CHL1: variants seen among roughly 807,000 people sequenced by gnomAD.
The protein encoded by CHL1 is cell adhesion molecule L1 like.
Under a neutral mutation model 141.9 loss-of-function variants are expected in CHL1, and 96 were observed. That is an observed-to-expected ratio of 0.68 (90% CI 0.57 to 0.80). The LOEUF (loss-of-function observed/expected upper bound fraction) is 0.80, where lower values mean the gene tolerates loss of function less well. Ranked by LOEUF, CHL1 falls within the 30% of genes least tolerant of loss-of-function variation. CHL1 has a pLI of 0.00. For synonymous variants in CHL1, 613 were observed against 502.2 expected, an observed-to-expected ratio of 1.22 and a Z score of -2.95; for missense variants, 1,820 against 1,457.2, an observed-to-expected ratio of 1.25 and a Z score of -4.05.
intron 2 of CHL1, among the ~76,000 whole-genome samples, chr3:308,039 T>C (rs915368689): frequency 4.6e-5 from 7 of 152,244 alleles, no homozygotes; most frequent in African/African-American, 1.7e-4. Context: ...TTTAAAGTTC[T>C]ATTAGCCTTT....
chr3:313,262 A>C (rs1163804984), intron 2 of CHL1, among the ~76,000 whole-genome samples: 4 of 152,156 alleles, frequency 2.6e-5, no homozygotes, highest in African/African-American at 9.7e-5. Flanking sequence ...ATTTGACCTA[A>C]AACTGTTTGT....
At chr3:336,052 G>A (rs1459514863) in intron 5 of CHL1, among the ~76,000 whole-genome samples, 3 of 152,232 alleles carry the variant, frequency 2.0e-5, no homozygotes, top group Admixed American at 6.5e-5. Context: ...TATGAATGAC[G>A]ACACTGAAAC....
chr3:358,335 A>G (rs565183006), intron 11 of CHL1, among the ~76,000 whole-genome samples: 11 of 152,196 alleles, frequency 7.2e-5, no homozygotes, highest in Non-Finnish European at 7.4e-5. Flanking sequence ...CCCTCTGACC[A>G]TAGCCAAGGA....
chr3:399,144 C>T lies in CHL1; in HGVS notation c.3381C>T (p.Tyr1127=). The T allele has an allele frequency of 6.2e-7, 1 of 1,609,038 alleles. No individual in the cohort carries two copies. The highest frequency in any genetic ancestry group is 1.1e-5 in the South Asian group (1 of 90,774). ...TGAAGAGGAATAGAGGTGGAAAGTA[C>T]TCAGGTAAAATTGTTTCTTAATGTG... is the stretch of plus-strand genomic sequence containing the variant. The part of the protein sequence containing the change: ...CFVKRNRGGK[Y]SVKEKEDLHP... The change falls in exon 26 of 28, where the codon TAC becomes TAT. Residue 1127 remains tyrosine (Y), a synonymous_variant. Coordinates refer to ENST00000256509, the MANE Select transcript of CHL1 (RefSeq NM_006614.4).
chr3:242,694 A>C (rs1237382532), intron 1 of CHL1, among the ~76,000 whole-genome samples: 1 of 44,898 alleles, frequency 2.2e-5, no homozygotes, highest in African/African-American at 4.1e-5. Flanking sequence ...ACACACACAC[A>C]CACAGAGAGA....
At chr3:378,040 G>A (rs1405860712) in intron 16 of CHL1, 98 bp downstream of exon 16, 2 of 1,054,626 alleles carry the variant, frequency 1.9e-6, no homozygotes, top group Non-Finnish European at 2.6e-6. Context: ...TTGAGCCCCT[G>A]CACATATATT....
intron 16 of CHL1, 117 bp from the exon 17 acceptor site, chr3:382,062 C>T: frequency 1.4e-6 from 1 of 725,732 alleles, no homozygotes; most frequent in South Asian, 1.8e-5. Flanking sequence ...GGGGTGCTTC[C>T]CAGGTCCCTA....
chr3:206,518 C>T (rs1175000801), intron 1 of CHL1, among the ~76,000 whole-genome samples: 3 of 151,812 alleles, frequency 2.0e-5, no homozygotes, highest in Non-Finnish European at 4.4e-5. Flanking sequence ...TCACTTGAGG[C>T]CAGGAGTTCA....
intron 1 of CHL1, among the ~76,000 whole-genome samples, chr3:235,141 T>C (rs921348702): frequency 6.6e-6 from 1 of 152,064 alleles, no homozygotes; most frequent in Non-Finnish European, 1.5e-5. Context: ...CTCCCAATGC[T>C]ATCCCTCCCC....
chr3:271,329 C>T (rs1695616487), intron 2 of CHL1, among the ~76,000 whole-genome samples: 1 of 152,192 alleles, frequency 6.6e-6, no homozygotes, highest in Admixed American at 6.5e-5. Context: ...GTTCCAGGTA[C>T]TCAGGAGGCT....
intron 1 of CHL1, among the ~76,000 whole-genome samples, chr3:214,193 A>G (rs1049757279): frequency 6.6e-6 from 1 of 152,192 alleles, no homozygotes; most frequent in Non-Finnish European, 1.5e-5. Context: ...CCCAGCAGAA[A>G]AACAGAGCTC....
chr3:247,923 T>C (rs1218918222), intron 2 of CHL1: 1 of 152,036 alleles, frequency 6.6e-6, no homozygotes, highest in Admixed American at 6.6e-5. Context: ...TCCCATGATA[T>C]GAGGATATGA....
intron 11 of CHL1, among the ~76,000 whole-genome samples, chr3:355,031 G>C (rs1279689776): frequency 6.6e-6 from 1 of 152,016 alleles, no homozygotes; most frequent in Admixed American, 6.6e-5. Context: ...TTTTTAAAAA[G>C]AAAATTGAAT....
chr3:360,261 T>C (rs760048765), intron 11 of CHL1, 23 bp from the exon 12 acceptor site: 5 of 1,612,484 alleles, frequency 3.1e-6, no homozygotes, highest in South Asian at 1.1e-5. Context: ...CTTATCAAAC[T>C]GACATTCTTT....
At chr3:244,870 GT>G (rs1168853078) in intron 2 of CHL1, among the ~76,000 whole-genome samples, 178 bp downstream of exon 2, 1 of 151,852 alleles carries the variant, frequency 6.6e-6, no homozygotes, top group African/African-American at 2.4e-5. Context: ...GGTTTTTTTT[GT>G]TTTTTGAGTT....
chr3:294,743 C>T (rs1009442870), intron 2 of CHL1, among the ~76,000 whole-genome samples: 4 of 152,112 alleles, frequency 2.6e-5, no homozygotes, highest in African/African-American at 9.7e-5. Flanking sequence ...AAGTTTGATT[C>T]ATCACATCCC....
rs1484676273 is a variant in CHL1, at chr3:363,416, T to C, written c.1585+33T>C. The C allele has an allele frequency of 5.1e-6, 8 of 1,576,148 alleles. No individual in the cohort carries two copies. The African/African-American group carries it at 8.1e-5, about 16-fold the overall frequency. On this transcript the variant is annotated intron_variant, in intron 14 of 27. Coordinates refer to ENST00000256509, the MANE Select transcript of CHL1 (RefSeq NM_006614.4). ...TATTTCACTGTTACTTTGCATGAAT[T>C]GTCACATGGGTTCAGTCTGTCTTCA...
intron 15 of CHL1, among the ~76,000 whole-genome samples, chr3:375,857 C>T (rs1269513098): frequency 6.6e-6 from 1 of 152,082 alleles, no homozygotes; most frequent in Non-Finnish European, 1.5e-5. Flanking sequence ...ACACAGGTCT[C>T]CAAAGAGAGA....
At chr3:266,537 C>G (rs898236741) in intron 2 of CHL1, among the ~76,000 whole-genome samples, 1 of 152,140 alleles carries the variant, frequency 6.6e-6, no homozygotes, top group Non-Finnish European at 1.5e-5. Context: ...TGCGGCTGCT[C>G]TTTCTCTTCT....
Sources: allele counts gnomAD v4.1 joint callset (sites outside exome capture counted in the v4.1 genomes callset), GRCh38; gene constraint gnomAD v4.1.1; transcripts MANE v1.5; gene names NCBI Gene and HGNC (gene_info 2026-07-23, HGNC 2026-07-21).